The following ADAM19 variants were observed in gnomAD, a reference collection of about 807,000 sequenced individuals.
ADAM19 encodes disintegrin and metalloproteinase domain-containing protein 19.
ADAM19 carries 65 observed loss-of-function variants against 114.7 expected under a neutral mutation model. That is an observed-to-expected ratio of 0.57 (90% CI 0.46 to 0.70). ADAM19 has a LOEUF of 0.70. ADAM19 is among the 30% of genes least tolerant of loss of function. The probability of loss-of-function intolerance (pLI) is 0.00; values close to 1 mark genes in which losing one functional copy is unlikely to be tolerated. For missense variants in ADAM19, 1,063 were observed against 1,204.7 expected (o/e 0.88, Z 1.74); for synonymous variants, 466 against 460.5 (o/e 1.01, Z -0.15).
In ADAM19 at chr5:157,477,360, G is replaced by A; in HGVS notation, c.*3589C>T. 4.0e-6 allele frequency: 4 copies of A among 995,164 alleles called. No homozygotes were observed. Among genetic ancestry groups the A allele is most frequent in the Non-Finnish European group, 4.8e-6 (4 of 835,098 alleles). 61.6% of individuals were successfully genotyped at this position (995,164 alleles called of 1,614,324 possible). ...AATTAAATACTAACAAGGAAAAAAG[G>A]CACCATGGCCCATTCAAGTATTTTG... On this transcript the variant is annotated 3_prime_UTR_variant, in exon 23 of 23. Coordinates refer to ENST00000257527, the MANE Select transcript of ADAM19 (RefSeq NM_033274.5).
At chr5:157,552,677 CAA>C (rs778402112) in intron 3 of ADAM19, among the ~76,000 whole-genome samples, 2,284 of 59,292 alleles carry the variant, frequency 0.039, 17 homozygotes, top group South Asian at 0.17. Context: ...GGACTCTACT[CAA>C]AAAAAAAAAA....
At chr5:157,528,572 T>G (rs970794037) in intron 5 of ADAM19, among the ~76,000 whole-genome samples, 1 of 152,188 alleles carries the variant, frequency 6.6e-6, no homozygotes, top group Non-Finnish European at 1.5e-5. Flanking sequence ...GGGGCCACTC[T>G]GTTATTGCTT....
At chr5:157,518,143 C>CA (rs923587875) in intron 7 of ADAM19, among the ~76,000 whole-genome samples, 56 of 147,244 alleles carry the variant, frequency 3.8e-4, no homozygotes, top group Admixed American at 1.8e-3. Context: ...ATCATCTTTG[C>CA]AAAAAAAAAA....
rs1015686417 is a variant in ADAM19, at chr5:157,480,583, T to C, written c.*366A>G. On this transcript the variant is annotated 3_prime_UTR_variant, in exon 23 of 23. Coordinates refer to ENST00000257527, the MANE Select transcript of ADAM19 (RefSeq NM_033274.5). ...GCCCTGCACCCCAGGAGTGAATGGA[T>C]GGCTTCTGCAAGCGAAGTGCTGGCC... The C allele has an allele frequency of 5.5e-6, 6 of 1,086,756 alleles. No homozygotes were observed. In the African/African-American group the frequency reaches 8.3e-5, roughly 15 times the overall value. The allele number at this position is 1,086,756 out of a possible 1,614,324, so 67.3% of individuals were successfully genotyped here. A position where few individuals can be genotyped will look rare whatever the true frequency, so the allele number is the denominator to read the frequency against.
chr5:157,499,526 C>T (rs11466776), intron 13 of ADAM19, 47 bp downstream of exon 13: 155,502 of 1,519,650 alleles, frequency 0.1, 8,703 homozygotes, highest in South Asian at 0.19. Flanking sequence ...GTCCTGTGGT[C>T]CCACTGTCAG....
At chr5:157,491,964 G>A (rs764140640) in intron 16 of ADAM19, 52 bp from the exon 17 acceptor site, 8 of 1,586,374 alleles carry the variant, frequency 5.0e-6, no homozygotes, top group African/African-American at 1.3e-5. Context: ...ATGCTGGTTG[G>A]GAGTTAGGAG....
In ADAM19 at chr5:157,487,665, T is replaced by G. The variant is rs5026821; in HGVS notation, c.2550+600A>C. ...ATGCCTCCAAGAGCACCAGGGCTGG[T>G]GGGGGAGAGTCTAGACCCCACTCTC... is the stretch of plus-strand genomic sequence containing the variant. On this transcript the variant is annotated intron_variant, in intron 21 of 22. Transcript: ENST00000257527. Among the ~76,000 whole-genome samples, 1,236 of 151,942 alleles carry G rather than the reference T, an allele frequency of 8.1e-3. 10 individuals carry two copies. Among genetic ancestry groups the G allele is most frequent in the African/African-American group, 0.028 (1,141 of 41,466 alleles).
chr5:157,498,688 G>GTATATATATA (rs55867903), intron 13 of ADAM19, among the ~76,000 whole-genome samples: 3,932 of 143,724 alleles, frequency 0.027, 169 homozygotes, highest in East Asian at 0.22. Flanking sequence ...ATGTGTGTAT[G>GTATATATATA]TATATATATA....
At chr5:157,575,565 G>A in intron 1 of ADAM19, 38 bp downstream of exon 1, 4 of 1,416,928 alleles carry the variant, frequency 2.8e-6, no homozygotes, top group Middle Eastern at 2.3e-4. Context: ...AGGTCTCCGG[G>A]CCACCCAGCC....
intron 4 of ADAM19, among the ~76,000 whole-genome samples, chr5:157,531,530 G>A (rs903597509): frequency 2.6e-5 from 4 of 152,104 alleles, no homozygotes; most frequent in Non-Finnish European, 4.4e-5. Flanking sequence ...AGCCGGATGT[G>A]GTGGTGCACA....
chr5:157,497,799 G>A (rs1755413272), intron 13 of ADAM19, among the ~76,000 whole-genome samples: 1 of 152,226 alleles, frequency 6.6e-6, no homozygotes, highest in African/African-American at 2.4e-5. Context: ...GGGGCAAAGG[G>A]CGAAGAGTCT....
At chr5:157,560,048 G>C (rs1270462993) in intron 3 of ADAM19, among the ~76,000 whole-genome samples, 1 of 151,702 alleles carries the variant, frequency 6.6e-6, no homozygotes, top group African/African-American at 2.4e-5. Context: ...GGCGGATCAC[G>C]AGGTCAGGAG....
chr5:157,505,877 T>C (rs1755727571), intron 10 of ADAM19, 69 bp from the exon 11 acceptor site: 16 of 1,538,736 alleles, frequency 1.0e-5, no homozygotes, highest in Non-Finnish European at 1.2e-5. Flanking sequence ...ATCCCTGCCT[T>C]ATCCTTAGCC....
intron 3 of ADAM19, among the ~76,000 whole-genome samples, chr5:157,563,569 C>T (rs1281929579): frequency 2.0e-5 from 3 of 152,208 alleles, no homozygotes; most frequent in Non-Finnish European, 4.4e-5. Context: ...GCTCTCCAAG[C>T]CACGCAGCCT....
intron 3 of ADAM19, among the ~76,000 whole-genome samples, chr5:157,558,433 T>C (rs951616911): frequency 2.0e-5 from 3 of 152,356 alleles, no homozygotes; most frequent in Admixed American, 2.0e-4. Context: ...TCCTTTAATT[T>C]CTTGAGCCAT....
intron 9 of ADAM19, among the ~76,000 whole-genome samples, chr5:157,508,379 C>T (rs1581312378): frequency 6.6e-6 from 1 of 152,128 alleles, no homozygotes; most frequent in Non-Finnish European, 1.5e-5. Flanking sequence ...GAGGCCGAGG[C>T]GGGCGGATCA....
At chr5:157,539,170 A>G (rs1756847700) in intron 3 of ADAM19, among the ~76,000 whole-genome samples, 1 of 149,486 alleles carries the variant, frequency 6.7e-6, no homozygotes, top group African/African-American at 2.5e-5. Flanking sequence ...AAAAAAAAAA[A>G]GAGAGAGAGA....
intron 4 of ADAM19, 36 bp downstream of exon 4, chr5:157,537,877 C>T (rs773056237): frequency 2.7e-5 from 42 of 1,579,830 alleles, no homozygotes; most frequent in Non-Finnish European, 3.5e-5. Flanking sequence ...TGGGAGAGGA[C>T]AGCTGCTGGA....
Position 157,520,008 on chromosome 5 carries a change from T to C in ADAM19, c.431A>G (p.Asn144Ser), listed in dbSNP as rs781350967. The C allele has an allele frequency of 6.2e-7, 1 of 1,614,006 alleles. No homozygotes were observed. Among genetic ancestry groups the C allele is most frequent in the Non-Finnish European group, 8.5e-7 (1 of 1,179,932 alleles). The change falls in exon 6 of 23, where the codon AAC (asparagine) becomes AGC (serine). Residue 144 changes from asparagine to serine, a missense_variant. Asn to Ser is a conservative substitution (Grantham distance 46). Coordinates refer to ENST00000257527, the MANE Select transcript of ADAM19 (RefSeq NM_033274.5). ...GAGGGGCTCGATGACGTAGCTGAGG[T>C]TGCTGCTCACCGTAATCAGTCCTCT... ...GIRGLITVSS[N>S]LSYVIEPLPD...
Sources: gnomAD v4.1 joint callset for allele counts (sites outside exome capture counted in the v4.1 genomes callset) on GRCh38, gnomAD v4.1.1 for gene constraint, MANE v1.5 for transcripts, NCBI Gene and HGNC (gene_info 2026-07-23, HGNC 2026-07-21) for gene names.